Variants in NRG3 observed in about 807,000 individuals in gnomAD.
The protein encoded by NRG3 is pro-neuregulin-3, membrane-bound isoform.
NRG3 carries 31 observed loss-of-function variants against 66.9 expected under a neutral mutation model. That is an observed-to-expected ratio of 0.46 (90% CI 0.35 to 0.63). NRG3 has a LOEUF of 0.63. Ranked by LOEUF, NRG3 falls within the 20% of genes least tolerant of loss-of-function variation. The probability of loss-of-function intolerance (pLI) is 0.00; values close to 1 mark genes in which losing one functional copy is unlikely to be tolerated. For synonymous variants in NRG3, 393 were observed against 359.4 expected, an observed-to-expected ratio of 1.09 and a Z score of -1.06; for missense variants, 910 against 878.9, an observed-to-expected ratio of 1.04 and a Z score of -0.45.
chr10:82,344,176 T>C (rs1038851324), intron 1 of NRG3, among the ~76,000 whole-genome samples: 2 of 150,074 alleles, frequency 1.3e-5, no homozygotes, highest in African/African-American at 5.0e-5. Context: ...ACTCGTCATG[T>C]AGCATTAGGT....
At position 82,110,519 on chromosome 10, in the gene NRG3, C is replaced by T. The variant is rs190851217; in HGVS notation, c.823+234356C>T. ...AGAGGTAACAACGGAAACACAGAGA[C>T]GAGAGACGAGGCTATTCCATGAAAT... On this transcript the variant is annotated intron_variant, in intron 1 of 8. Transcript: ENST00000372141. Among the ~76,000 whole-genome samples, 371 of 151,972 alleles carry T rather than the reference C, an allele frequency of 2.4e-3. 1 individual carries two copies. Among genetic ancestry groups the T allele is most frequent in the African/African-American group, 8.3e-3 (345 of 41,442 alleles).
chr10:82,105,272 G>A lies in NRG3; in HGVS notation c.823+229109G>A, dbSNP rs139992669. 2.0e-3 allele frequency among the ~76,000 whole-genome samples: 297 copies of A among 152,270 alleles called. 1 individual carries two copies. Among genetic ancestry groups the A allele is most frequent in the African/African-American group, 6.8e-3 (284 of 41,564 alleles). On this transcript the variant is annotated intron_variant, in intron 1 of 8. Coordinates refer to ENST00000372141, the MANE Select transcript of NRG3 (RefSeq NM_001010848.4). ...TTGAACATAATCAAAGGTGCACTGAGTTCATCTGACTGCCTCATTACCTGT... is the reference window on the plus strand; with the variant it reads ...TTGAACATAATCAAAGGTGCACTGAATTCATCTGACTGCCTCATTACCTGT...
intron 4 of NRG3, among the ~76,000 whole-genome samples, chr10:82,882,477 A>G (rs777467814): frequency 2.6e-5 from 4 of 152,228 alleles, no homozygotes; most frequent in African/African-American, 4.8e-5. Flanking sequence ...ATGGCAGACA[A>G]GCAAACAACA....
At chr10:82,372,770 T>C (rs2084969250) in intron 2 of NRG3, among the ~76,000 whole-genome samples, 1 of 152,150 alleles carries the variant, frequency 6.6e-6, no homozygotes, top group Admixed American at 6.5e-5. Context: ...ATTGTAGTAT[T>C]TTTAGTAAAG....
At chr10:82,644,007 G>A (rs1303220223) in intron 2 of NRG3, among the ~76,000 whole-genome samples, 1 of 152,002 alleles carries the variant, frequency 6.6e-6, no homozygotes, top group African/African-American at 2.4e-5. Context: ...CTGGATATAG[G>A]GGTTAATTGA....
chr10:82,210,540 G>A (rs938332721), intron 1 of NRG3, among the ~76,000 whole-genome samples: 2 of 152,156 alleles, frequency 1.3e-5, no homozygotes, highest in African/African-American at 4.8e-5. Context: ...GGCTGGAAGA[G>A]CACAGGGTGC....
chr10:82,742,688 A>G (rs2058475965), intron 3 of NRG3, among the ~76,000 whole-genome samples: 1 of 152,064 alleles, frequency 6.6e-6, no homozygotes, highest in African/African-American at 2.4e-5. Context: ...GCATTCTTGA[A>G]GGGCATATTT....
chr10:82,533,594 A>C (rs375197134), intron 2 of NRG3, among the ~76,000 whole-genome samples: 1 of 152,338 alleles, frequency 6.6e-6, no homozygotes, highest in African/African-American at 2.4e-5. Context: ...TTACTTCAAC[A>C]TAATGAAGGC....
At chr10:82,145,025 C>T (rs926761059) in intron 1 of NRG3, among the ~76,000 whole-genome samples, 3 of 152,200 alleles carry the variant, frequency 2.0e-5, no homozygotes, top group Non-Finnish European at 4.4e-5. Flanking sequence ...GGGGCAGCCA[C>T]CCAATAGCTC....
intron 2 of NRG3, among the ~76,000 whole-genome samples, chr10:82,436,087 A>G (rs1590122998): frequency 6.6e-6 from 1 of 152,074 alleles, no homozygotes; most frequent in East Asian, 1.9e-4. Flanking sequence ...AGTCATGAAT[A>G]TCCTTGTTAA....
intron 2 of NRG3, among the ~76,000 whole-genome samples, chr10:82,603,451 C>T (rs1376419266): frequency 6.6e-6 from 1 of 152,136 alleles, no homozygotes; most frequent in Non-Finnish European, 1.5e-5. Flanking sequence ...ATCACTTAAG[C>T]TTTCTTTTAT....
chr10:82,979,957 A>C (rs1215667934), intron 8 of NRG3, among the ~76,000 whole-genome samples: 1 of 152,142 alleles, frequency 6.6e-6, no homozygotes, highest in African/African-American at 2.4e-5. Flanking sequence ...TAGTCCCAGC[A>C]CTTTGGGAGG....
chr10:82,350,502 A>G (rs2083367101), intron 1 of NRG3, among the ~76,000 whole-genome samples: 1 of 152,202 alleles, frequency 6.6e-6, no homozygotes, highest in South Asian at 2.1e-4. Context: ...GATGAACAGG[A>G]AGTGTGCCTG....
chr10:81,923,174 T>C (rs996430461), intron 1 of NRG3, among the ~76,000 whole-genome samples: 3 of 151,154 alleles, frequency 2.0e-5, no homozygotes, highest in African/African-American at 7.4e-5. Context: ...AGAATTTCAC[T>C]TTAAAATCAT....
intron 1 of NRG3, among the ~76,000 whole-genome samples, chr10:82,185,495 G>A (rs1233486801): frequency 2.0e-5 from 3 of 152,116 alleles, no homozygotes; most frequent in African/African-American, 4.8e-5. Context: ...TGCTTTTGTT[G>A]ATAGTGAAAA....
In NRG3 at chr10:82,527,241, G is replaced by A. The variant is rs1201475773; in HGVS notation, c.953+168373G>A. ...ACAGATGTCAACTTGAATGAATCAT[G>A]CCATCAAATCTTGAGTAAATCAAGA... On this transcript the variant is annotated intron_variant, in intron 2 of 8. Transcript: ENST00000372141. Among the ~76,000 whole-genome samples, 6 of 151,860 alleles carry A rather than the reference G, an allele frequency of 4.0e-5. No homozygotes were observed. In the East Asian group the frequency reaches 1.2e-3, roughly 29 times the overall value.
intron 2 of NRG3, among the ~76,000 whole-genome samples, chr10:82,533,642 G>A (rs1336620651): frequency 6.6e-6 from 1 of 152,004 alleles, no homozygotes; most frequent in African/African-American, 2.4e-5. Context: ...TATACTCAAT[G>A]GTGAAAAACA....
At chr10:82,301,853 C>A (rs904460878) in intron 1 of NRG3, among the ~76,000 whole-genome samples, 3 of 151,592 alleles carry the variant, frequency 2.0e-5, no homozygotes, top group African/African-American at 4.8e-5. Context: ...GTTGCCCAGG[C>A]CTTTATTTAA....
intron 3 of NRG3, among the ~76,000 whole-genome samples, chr10:82,804,665 A>G (rs2061202099): frequency 1.3e-5 from 2 of 152,194 alleles, no homozygotes; most frequent in Non-Finnish European, 2.9e-5. Context: ...TATGTGAAGC[A>G]TTTGCCTTAC....
Sources: allele counts gnomAD v4.1 joint callset (sites outside exome capture counted in the v4.1 genomes callset), GRCh38; gene constraint gnomAD v4.1.1; transcripts MANE v1.5; gene names NCBI Gene and HGNC (gene_info 2026-07-23, HGNC 2026-07-21).